Variants in C3orf20 observed in about 807,000 individuals in gnomAD.
C3orf20 encodes the protein family with sequence similarity 149 member C, also known as uncharacterized protein C3orf20.
Under a neutral mutation model 88.3 loss-of-function variants are expected in C3orf20, and 76 were observed. The ratio of observed to expected loss-of-function variants is 0.86; its 90% CI spans 0.72 to 1.04. C3orf20 has a LOEUF of 1.04. C3orf20 is among the 50% of genes least tolerant of loss of function. The probability of loss-of-function intolerance (pLI) is 0.00; values close to 1 mark genes in which losing one functional copy is unlikely to be tolerated. For missense variants in C3orf20, 1,056 were observed against 1,123.3 expected (o/e 0.94, Z 0.86); for synonymous variants, 436 against 437.4 (o/e 1.00, Z 0.04).
chr3:14,757,560 G>T lies in C3orf20; in HGVS notation c.2130G>T (p.Val710=). The part of the protein sequence containing the change: ...FLLAPRDPSQ[V]LVFGIISSQN... The stretch of plus-strand genomic sequence containing the variant: ...TGGCGCCCCGAGACCCCAGCCAAGT[G>T]CTGGTGTTTGGGATCATCTCAAGCC... Residue 710 remains valine, a synonymous_variant, in exon 13 of 17, where the codon GTG becomes GTT. Coordinates refer to ENST00000253697, the MANE Select transcript of C3orf20 (RefSeq NM_032137.5). 6.2e-7 allele frequency: 1 copy of T among 1,614,138 alleles called. No homozygotes were observed. Among genetic ancestry groups the T allele is most frequent in the Non-Finnish European group, 8.5e-7 (1 of 1,180,002 alleles).
At chr3:14,688,529 CAA>C (rs35979290) in intron 4 of C3orf20, among the ~76,000 whole-genome samples, 20 of 105,836 alleles carry the variant, frequency 1.9e-4, no homozygotes, top group Admixed American at 3.3e-4. Flanking sequence ...GAGACTGTCT[CAA>C]AAAAAAAAAA....
At chr3:14,684,189 A>G in intron 3 of C3orf20, 53 bp from the exon 4 acceptor site, 5 of 1,597,324 alleles carry the variant, frequency 3.1e-6, no homozygotes, top group Non-Finnish European at 4.3e-6. Flanking sequence ...CTTTTCTGGA[A>G]GCATTAGCCC....
Position 14,704,409 on chromosome 3 carries a change from G to T in C3orf20, c.951G>T (p.Lys317Asn). 1 of 1,614,144 alleles carries T rather than the reference G, an allele frequency of 6.2e-7. No homozygotes were observed. Among genetic ancestry groups the T allele is most frequent in the Non-Finnish European group, 8.5e-7 (1 of 1,180,024 alleles). ...TGATCTTACGAAACTACAAGGCAAA[G>T]ATGCCCTCTCATCTAATGTTGGCCC... is the stretch of plus-strand genomic sequence containing the variant. Reference protein sequence around the residue: ...YPMILRNYKAKMPSHLMLARK... With the variant: ...YPMILRNYKANMPSHLMLARK... The change falls in exon 7 of 17, where the codon AAG becomes AAT. Residue 317 changes from lysine (K) to asparagine (N), a missense_variant. By Grantham distance (94) the Lys-to-Asn change is moderately conservative (BLOSUM62 0). Coordinates refer to ENST00000253697, the MANE Select transcript of C3orf20 (RefSeq NM_032137.5).
chr3:14,736,882 G>T (rs2034728911), intron 12 of C3orf20, among the ~76,000 whole-genome samples: 1 of 152,160 alleles, frequency 6.6e-6, no homozygotes, highest in Non-Finnish European at 1.5e-5. Context: ...CCTACATTTT[G>T]AGTGGTATTT....
rs750158123 is a variant in C3orf20, at chr3:14,685,055, C to T, written c.625+673C>T. On this transcript the variant is annotated intron_variant, in intron 4 of 16. Transcript: ENST00000253697. Reference sequence around the variant, plus strand: ...AAAAAGAAATGTTTATTGCAGAATTCTTTGGACTGGCAAAAATTAATCCGA... The same window carrying T: ...AAAAAGAAATGTTTATTGCAGAATTTTTTGGACTGGCAAAAATTAATCCGA... Among the ~76,000 whole-genome samples the T allele has an allele frequency of 1.6e-3, 240 of 152,244 alleles. 1 individual carries two copies. Among genetic ancestry groups the T allele is most frequent in the Admixed American group, 1.4e-3 (21 of 15,292 alleles).
intron 4 of C3orf20, among the ~76,000 whole-genome samples, chr3:14,687,829 T>C (rs1172940688): frequency 1.3e-5 from 2 of 152,166 alleles, no homozygotes; most frequent in Non-Finnish European, 2.9e-5. Flanking sequence ...TGGAGGAGAA[T>C]GGGAAGAGAG....
intron 15 of C3orf20, among the ~76,000 whole-genome samples, chr3:14,763,204 A>G (rs924725074): frequency 6.6e-6 from 1 of 152,214 alleles, no homozygotes; most frequent in African/African-American, 2.4e-5. Context: ...GGGCATTTTC[A>G]GAAACATTCA....
chr3:14,685,451 T>C (rs576747336), intron 4 of C3orf20, among the ~76,000 whole-genome samples: 2 of 103,546 alleles, frequency 1.9e-5, no homozygotes, highest in East Asian at 5.1e-4. Context: ...TCTCTCTCTC[T>C]CTCTCTGTTT....
rs139285108 is a variant in C3orf20, at chr3:14,727,318, G to A, written c.1690+294G>A. Among the ~76,000 whole-genome samples, 183 of 152,170 alleles carry A rather than the reference G, an allele frequency of 1.2e-3. 1 individual carries two copies. The highest frequency in any genetic ancestry group is 3.9e-3 in the African/African-American group (162 of 41,504). Reference sequence around the variant, plus strand: ...ATTGTCTTATTTTCCTGGGTTTCTCGGTAGCTGGCTGTGTCCCTCTTGTTC... The same window carrying A: ...ATTGTCTTATTTTCCTGGGTTTCTCAGTAGCTGGCTGTGTCCCTCTTGTTC... On this transcript the variant is annotated intron_variant, in intron 11 of 16. Coordinates refer to ENST00000253697, the MANE Select transcript of C3orf20 (RefSeq NM_032137.5).
chr3:14,683,736 C>T (rs999224694), intron 3 of C3orf20, among the ~76,000 whole-genome samples: 1 of 152,044 alleles, frequency 6.6e-6, no homozygotes. Flanking sequence ...ATTAGCCGGG[C>T]ATGGTGGTGC....
Position 14,704,372 on chromosome 3 carries a change from T to G in C3orf20, c.914T>G (p.Ile305Ser), listed in dbSNP as rs757828816. Residue 305 changes from isoleucine to serine, a missense_variant, in exon 7 of 17, where the codon ATC (isoleucine) becomes AGC (serine). Physicochemically the swap from Ile to Ser is moderately radical, Grantham distance 142 (BLOSUM62 -2). Transcript: ENST00000253697. Reference sequence around the variant, plus strand: ...AGGGCCACATGGAAAGGGAGGAATATCTCCTACCCCATGATCTTACGAAAC... The same window carrying G: ...AGGGCCACATGGAAAGGGAGGAATAGCTCCTACCCCATGATCTTACGAAAC... The part of the protein sequence containing the change: ...AERATWKGRN[I>S]SYPMILRNYK... 6.2e-7 allele frequency: 1 copy of G among 1,613,958 alleles called. No individual in the cohort carries two copies. Among genetic ancestry groups the G allele is most frequent in the Non-Finnish European group, 8.5e-7 (1 of 1,179,992 alleles).
At chr3:14,737,702 A>G (rs1002554936) in intron 12 of C3orf20, among the ~76,000 whole-genome samples, 3 of 152,250 alleles carry the variant, frequency 2.0e-5, no homozygotes, top group African/African-American at 4.8e-5. Context: ...AGTTTGCCAC[A>G]TTAATTAATT....
At chr3:14,737,273 C>A (rs1488691875) in intron 12 of C3orf20, among the ~76,000 whole-genome samples, 2 of 151,734 alleles carry the variant, frequency 1.3e-5, no homozygotes, top group African/African-American at 4.8e-5. Flanking sequence ...CCTTCCCCAC[C>A]TTTCCACTTT....
In C3orf20 at chr3:14,682,759, G is replaced by T; in HGVS notation, c.46G>T (p.Ala16Ser). 6.2e-7 allele frequency: 1 copy of T among 1,614,008 alleles called. No individual in the cohort carries two copies. The highest frequency in any genetic ancestry group is 8.5e-7 in the Non-Finnish European group (1 of 1,179,986). The change falls in exon 3 of 17, where the codon GCC becomes TCC. Residue 16 changes from alanine (A) to serine (S), a missense_variant. Coordinates refer to ENST00000253697, the MANE Select transcript of C3orf20 (RefSeq NM_032137.5). ...SNLELYQQYTAMAPKLLARIS... is the reference protein window; with the variant it reads ...SNLELYQQYTSMAPKLLARIS... ...CCTAGAATTATATCAGCAATACACA[G>T]CCATGGCCCCCAAGCTACTGGCCCG... is the stretch of plus-strand genomic sequence containing the variant.
At chr3:14,719,313 A>T (rs1471494802) in intron 9 of C3orf20, among the ~76,000 whole-genome samples, 4 of 152,088 alleles carry the variant, frequency 2.6e-5, no homozygotes, top group African/African-American at 4.8e-5. Flanking sequence ...TGGAGAGACT[A>T]GTTGGGGAGT....
At chr3:14,700,720 G>A (rs1320110079) in intron 5 of C3orf20, among the ~76,000 whole-genome samples, 3 of 152,228 alleles carry the variant, frequency 2.0e-5, no homozygotes, top group Non-Finnish European at 1.5e-5. Context: ...GATTAGCCTT[G>A]CCTCATAGCT....
Position 14,754,171 on chromosome 3 carries a change from A to G in C3orf20, c.1941-3200A>G, listed in dbSNP as rs531578871. Among the ~76,000 whole-genome samples the G allele has an allele frequency of 5.3e-5, 8 of 152,258 alleles. 1 individual carries two copies. The South Asian group carries it at 1.7e-3, about 32-fold the overall frequency. ...TCTTTCTTCCCAGGCTTTTTAGCCT[A>G]CTTATCTGTGCCTCTTCTGTTTCCC... On this transcript the variant is annotated intron_variant, in intron 12 of 16. Transcript: ENST00000253697.
At chr3:14,702,767 T>C (rs1406423331) in intron 5 of C3orf20, among the ~76,000 whole-genome samples, 1 of 152,248 alleles carries the variant, frequency 6.6e-6, no homozygotes, top group South Asian at 2.1e-4. Context: ...AAAGCAATCA[T>C]GCGTTCCCAA....
At chr3:14,754,336 T>G (rs915098962) in intron 12 of C3orf20, among the ~76,000 whole-genome samples, 2 of 152,186 alleles carry the variant, frequency 1.3e-5, no homozygotes, top group Admixed American at 6.5e-5. Context: ...TCAGGGAACC[T>G]CTAGACAGGC....
Sources: allele counts gnomAD v4.1 joint callset (sites outside exome capture counted in the v4.1 genomes callset), GRCh38; gene constraint gnomAD v4.1.1; transcripts MANE v1.5; gene names NCBI Gene and HGNC (gene_info 2026-07-23, HGNC 2026-07-21).